PDE10A: variants seen among roughly 807,000 people sequenced by gnomAD.
PDE10A encodes the protein phosphodiesterase 10A.
PDE10A carries 39 observed loss-of-function variants against 97.7 expected under a neutral mutation model. The observed-to-expected ratio is 0.40, with a 90% CI of 0.31 to 0.52. The LOEUF (loss-of-function observed/expected upper bound fraction) is 0.52. Ranked by LOEUF, PDE10A falls within the 20% of genes least tolerant of loss-of-function variation. The pLI is 0.56. For synonymous variants in PDE10A, 371 were observed against 376.8 expected (o/e 0.98, Z 0.18); for missense variants, 731 against 1,047.8 (o/e 0.70, Z 4.17).
At chr6:165,672,703 T>G (rs1460343110) in intron 1 of PDE10A, among the ~76,000 whole-genome samples, 2 of 152,336 alleles carry the variant, frequency 1.3e-5, no homozygotes, top group East Asian at 3.9e-4. Flanking sequence ...TCCTTTCACC[T>G]TCTGCCATGA....
At chr6:165,878,741 G>A (rs1781406228) in intron 1 of PDE10A, among the ~76,000 whole-genome samples, 1 of 152,172 alleles carries the variant, frequency 6.6e-6, no homozygotes. Context: ...TTATCCAGGT[G>A]GGCCCTTATA....
At chr6:165,915,747 A>T (rs1228760415) in intron 1 of PDE10A, among the ~76,000 whole-genome samples, 1 of 152,238 alleles carries the variant, frequency 6.6e-6, no homozygotes, top group African/African-American at 2.4e-5. Context: ...AAAGAGCCAA[A>T]GGAATGGTTA....
chr6:165,580,084 T>C (rs1785529094), intron 1 of PDE10A, among the ~76,000 whole-genome samples: 1 of 152,238 alleles, frequency 6.6e-6, no homozygotes, highest in Non-Finnish European at 1.5e-5. Flanking sequence ...CTAGAATATA[T>C]GAATTCACAA....
At chr6:165,590,373 G>A (rs1786177963) in intron 1 of PDE10A, among the ~76,000 whole-genome samples, 1 of 152,168 alleles carries the variant, frequency 6.6e-6, no homozygotes, top group African/African-American at 2.4e-5. Context: ...TTAAAACCCA[G>A]GCGTCTGCTT....
chr6:165,685,379 TGGG>T (rs1370531972), intron 1 of PDE10A, among the ~76,000 whole-genome samples: 1 of 151,826 alleles, frequency 6.6e-6, no homozygotes, highest in Admixed American at 6.6e-5. Context: ...TCCTTCTGCT[TGGG>T]GCTTTATTCT....
intron 20 of PDE10A, among the ~76,000 whole-genome samples, chr6:165,338,012 A>G (rs1300944308): frequency 6.6e-6 from 1 of 152,246 alleles, no homozygotes; most frequent in Non-Finnish European, 1.5e-5. Context: ...ACCGAACAGG[A>G]ATGACTAACA....
chr6:165,418,645 T>C lies in PDE10A; in HGVS notation c.1786A>G (p.Lys596Glu). ...KEGKPVFKKT[K>E]EIRFSIEKGI... is the part of the protein sequence containing the mutation. ...TACTTCTAGCTGTACCTTATCTCTT[T>C]GGTCTTCTTGAAGACAGGTTTTCCT... The change falls in exon 11 of 22, where the codon AAA (lysine) becomes GAA (glutamate). Residue 596 changes from lysine (K) to glutamate (E), a missense_variant. Coordinates refer to ENST00000539869, the MANE Select transcript of PDE10A (RefSeq NM_001385079.1). This position sits in a 1 kb window ranked among gnomAD's most constrained non-coding sequence, Gnocchi z 4.8. 1 of 1,612,810 alleles carries C rather than the reference T, an allele frequency of 6.2e-7. No homozygotes were observed. The highest frequency in any genetic ancestry group is 8.5e-7 in the Non-Finnish European group (1 of 1,179,748).
intron 18 of PDE10A, among the ~76,000 whole-genome samples, chr6:165,359,464 C>T (rs926806075): frequency 6.6e-6 from 1 of 152,064 alleles, no homozygotes; most frequent in Admixed American, 6.5e-5. Context: ...TAGTATTTTA[C>T]CCTGTTTGTT....
intron 1 of PDE10A, among the ~76,000 whole-genome samples, chr6:165,896,073 G>T (rs1310228726): frequency 1.3e-5 from 2 of 152,294 alleles, no homozygotes; most frequent in South Asian, 2.1e-4. Context: ...GCCACATCCT[G>T]CCCGGGCCGT....
rs930486425 is a variant in PDE10A, at chr6:165,363,108, A to G, written c.2783+16086T>C. Among the ~76,000 whole-genome samples, 5 of 152,326 alleles carry G rather than the reference A, an allele frequency of 3.3e-5. No homozygotes were observed. In the South Asian group the frequency reaches 8.3e-4, roughly 25 times the overall value. On this transcript the variant is annotated intron_variant, in intron 18 of 21. Coordinates refer to ENST00000539869, the MANE Select transcript of PDE10A (RefSeq NM_001385079.1). ...TTCATCTATAAAATACCCATATCTA[A>G]TACCACACTTAATGGTGAAAGACTA...
At chr6:165,857,609 GCTGAGA>G in intron 1 of PDE10A, among the ~76,000 whole-genome samples, 1 of 7,990 alleles carries the variant, frequency 1.3e-4, no homozygotes, top group African/African-American at 1.2e-3. Flanking sequence ...TTATGCAGAA[GCTGAGA>G]AGCTGAGGAC....
intron 2 of PDE10A, among the ~76,000 whole-genome samples, chr6:165,483,158 C>T (rs1562508912): frequency 6.6e-6 from 1 of 152,196 alleles, no homozygotes; most frequent in Non-Finnish European, 1.5e-5. Flanking sequence ...CAACAGGCTC[C>T]TTGCTGTCTT....
In PDE10A at chr6:165,330,849, TAACTA is replaced by T. The variant is rs1188193837; in HGVS notation, c.*2171_*2175del. ...AATTCCATCTCCAAGCGAAATGAGA[TAACTA>T]AACTAACTTTTGTGACTAAAGCTGT... On this transcript the variant is annotated 3_prime_UTR_variant, in exon 22 of 22. Transcript: ENST00000539869. The T allele has an allele frequency of 2.0e-5, 3 of 152,206 alleles. No homozygotes were observed. The highest frequency in any genetic ancestry group is 4.8e-5 in the African/African-American group (2 of 41,464). 9.4% of individuals were successfully genotyped at this position (152,206 alleles called of 1,614,324 possible). A position where few individuals can be genotyped will look rare whatever the true frequency, so the allele number is the denominator to read the frequency against.
intron 18 of PDE10A, among the ~76,000 whole-genome samples, chr6:165,372,677 C>T (rs1316569325): frequency 1.4e-5 from 2 of 147,460 alleles, no homozygotes; most frequent in East Asian, 3.9e-4. Flanking sequence ...AGATTCAATG[C>T]CATCCCCATC....
At chr6:165,506,283 A>G (rs189258943) in intron 2 of PDE10A, among the ~76,000 whole-genome samples, 69 of 152,252 alleles carry the variant, frequency 4.5e-4, no homozygotes, top group South Asian at 1.2e-3. Flanking sequence ...ATATATCACA[A>G]TTTATTCAGT....
intron 1 of PDE10A, among the ~76,000 whole-genome samples, chr6:165,717,254 T>G (rs552829982): frequency 6.6e-6 from 1 of 152,294 alleles, no homozygotes; most frequent in African/African-American, 2.4e-5. Context: ...GAGGGACACT[T>G]GACTTGCTTC....
chr6:165,691,106 T>TCTCTCTCTCC (rs143783728), intron 1 of PDE10A, among the ~76,000 whole-genome samples: 513 of 39,112 alleles, frequency 0.013, 82 homozygotes, highest in Middle Eastern at 0.037. Context: ...TCTTTCTCTC[T>TCTCTCTCTCC]CCCCCCCCCC....
chr6:165,354,878 C>A (rs145433565), intron 18 of PDE10A, among the ~76,000 whole-genome samples: 68 of 152,334 alleles, frequency 4.5e-4, no homozygotes, highest in Middle Eastern at 3.4e-3. Context: ...TCTCATATGA[C>A]AGCAAAGAAT....
chr6:165,609,186 G>T (rs979643901), intron 1 of PDE10A, among the ~76,000 whole-genome samples: 2 of 152,142 alleles, frequency 1.3e-5, no homozygotes, highest in African/African-American at 4.8e-5. Flanking sequence ...CCTTGCCCAT[G>T]CCTATGTCCT....
Sources: allele counts gnomAD v4.1 joint callset (sites outside exome capture counted in the v4.1 genomes callset), GRCh38; gene constraint gnomAD v4.1.1; non-coding constraint Gnocchi (gnomAD v3.1); transcripts MANE v1.5; gene names NCBI Gene and HGNC (gene_info 2026-07-23, HGNC 2026-07-21).